TIMELESS: variants seen among roughly 807,000 people sequenced by gnomAD.
The protein encoded by TIMELESS is protein timeless homolog.
Under a neutral mutation model 164.3 loss-of-function variants are expected in TIMELESS, and 124 were observed. That is an observed-to-expected ratio of 0.75 (90% CI 0.65 to 0.88). The LOEUF is 0.88. TIMELESS is among the 40% of genes least tolerant of loss of function. The pLI is 0.00. For synonymous variants in TIMELESS, 564 were observed against 563.4 expected (o/e 1.00, Z -0.02); for missense variants, 1,422 against 1,491.4 (o/e 0.95, Z 0.77).
rs540876450 is a variant in TIMELESS, at chr12:56,421,614, T to A, written c.2725+113A>T. On this transcript the variant is annotated intron_variant, in intron 22 of 28. Coordinates refer to ENST00000553532, the MANE Select transcript of TIMELESS (RefSeq NM_003920.5). ...CCAAAAATGACACTTACAAATATAG[T>A]AAGTGAACAGAAGGGATGGGAGAAT... 8.2e-5 allele frequency: 124 copies of A among 1,517,716 alleles called. 1 individual carries two copies. The South Asian group carries it at 1.2e-3, about 15-fold the overall frequency. 94.0% of individuals were successfully genotyped at this position (1,517,716 alleles called of 1,614,324 possible). A position where few individuals can be genotyped will look rare whatever the true frequency, so the allele number is the denominator to read the frequency against.
intron 1 of TIMELESS, among the ~76,000 whole-genome samples, chr12:56,442,120 A>AAC: frequency 7.9e-6 from 1 of 126,498 alleles, no homozygotes; most frequent in African/African-American, 2.6e-5. Flanking sequence ...AGTTGCAGAA[A>AAC]TAAAATCCAC....
At chr12:56,420,048 A>ATATGTGTG (rs1473074484) in intron 26 of TIMELESS, among the ~76,000 whole-genome samples, 27 of 87,326 alleles carry the variant, frequency 3.1e-4, no homozygotes, top group African/African-American at 6.0e-4. Flanking sequence ...ATATATATAT[A>ATATGTGTG]TGTGTGTGTG....
Position 56,433,626 on chromosome 12 carries a change from G to C in TIMELESS, c.278C>G (p.Ala93Gly). Reference protein sequence around the residue: ...IRLMVNLTQPALLCFGNLPKE... With the variant: ...IRLMVNLTQPGLLCFGNLPKE... ...AGGCAGATTGCCAAAACAGAGCAAG[G>C]CTGGTTGTGTCAAGTTCACCATCAG... The change falls in exon 4 of 29, where the codon GCC becomes GGC. Residue 93 changes from alanine to glycine, a missense_variant. Coordinates refer to ENST00000553532, the MANE Select transcript of TIMELESS (RefSeq NM_003920.5). The C allele has an allele frequency of 6.2e-7, 1 of 1,614,164 alleles. No homozygotes were observed. The highest frequency in any genetic ancestry group is 8.5e-7 in the Non-Finnish European group (1 of 1,180,052).
chr12:56,429,946 T>C (rs1194143528), intron 10 of TIMELESS, among the ~76,000 whole-genome samples, 159 bp downstream of exon 10: 2 of 152,044 alleles, frequency 1.3e-5, no homozygotes, highest in Non-Finnish European at 2.9e-5. Flanking sequence ...ATTTTCACTA[T>C]CTCTCAGGGA....
chr12:56,434,694 G>GC (rs1882012693), intron 1 of TIMELESS, among the ~76,000 whole-genome samples: 1 of 152,182 alleles, frequency 6.6e-6, no homozygotes, highest in South Asian at 2.1e-4. Context: ...CCAAGATCAT[G>GC]CCGCCACACT....
Position 56,424,819 on chromosome 12 carries a change from T to G in TIMELESS, c.1811A>C (p.Gln604Pro). Residue 604 changes from glutamine (Q) to proline (P), a missense_variant, in exon 15 of 29, where the codon CAA becomes CCA. Coordinates refer to ENST00000553532, the MANE Select transcript of TIMELESS (RefSeq NM_003920.5). ...GGCCTGGCCAGCCAGGAGACAGTCT[T>G]GGATCCGTACCATAGCTTCTGCCCG... ...EQRAEAMVRI[Q>P]DCLLAGQAPQ... The G allele has an allele frequency of 1.9e-6, 3 of 1,614,184 alleles. No individual in the cohort carries two copies. Among genetic ancestry groups the G allele is most frequent in the South Asian group, 2.2e-5 (2 of 91,088 alleles).
intron 1 of TIMELESS, among the ~76,000 whole-genome samples, chr12:56,443,396 G>T (rs549593080): frequency 1.3e-5 from 2 of 152,162 alleles, no homozygotes; most frequent in African/African-American, 2.4e-5. Context: ...GGCTTACTAG[G>T]ATTGGGAAAT....
rs776047061 is a variant in TIMELESS, at chr12:56,430,089, CTTCACAGG to C, written c.1086+8_1086+15del. The C allele has an allele frequency of 3.1e-6, 5 of 1,599,176 alleles. No homozygotes were observed. The South Asian group carries it at 5.6e-5, about 18-fold the overall frequency. The stretch of plus-strand genomic sequence containing the variant: ...TTCCATTCCTGATTATCTCCATATC[CTTCACAGG>C]TTCTCACCTTTACTGATCCCATGAG... On this transcript the variant is annotated splice_region_variant and intron_variant, in intron 10 of 28. Coordinates refer to ENST00000553532, the MANE Select transcript of TIMELESS (RefSeq NM_003920.5).
At position 56,420,627 on chromosome 12, in the gene TIMELESS, T is replaced by C. The variant is rs766624658; in HGVS notation, c.3170A>G (p.Asn1057Ser). 6.2e-7 allele frequency: 1 copy of C among 1,614,228 alleles called. No homozygotes were observed. The highest frequency in any genetic ancestry group is 8.5e-7 in the Non-Finnish European group (1 of 1,180,044). Residue 1057 changes from asparagine (N) to serine (S), a missense_variant, in exon 26 of 29, where the codon AAC becomes AGC. Asn to Ser is a conservative substitution (Grantham distance 46). Coordinates refer to ENST00000553532, the MANE Select transcript of TIMELESS (RefSeq NM_003920.5). ...GCGCAACAGCTGCTGAAACTGTTCG[T>C]TTTCCATGGCTTCCTCATTTTCCTC... ...LTEENEEAME[N>S]EQFQQLLRKL...
intron 1 of TIMELESS, among the ~76,000 whole-genome samples, chr12:56,439,740 T>C (rs1378265987): frequency 1.3e-5 from 2 of 152,134 alleles, no homozygotes; most frequent in African/African-American, 4.8e-5. Flanking sequence ...AGTATATGAA[T>C]TATATCTCAA....
chr12:56,430,444 G>A (rs1178154190), intron 9 of TIMELESS, among the ~76,000 whole-genome samples, 163 bp from the exon 10 acceptor site: 2 of 152,004 alleles, frequency 1.3e-5, no homozygotes, highest in African/African-American at 4.8e-5. Context: ...TAGCACACTG[G>A]AGCCTTGAAC....
At chr12:56,449,063 C>T (rs751288514) in intron 1 of TIMELESS, among the ~76,000 whole-genome samples, 24 of 152,232 alleles carry the variant, frequency 1.6e-4, no homozygotes, top group Non-Finnish European at 2.4e-4. Context: ...AACCCCATCC[C>T]GCGGGAGACC....
chr12:56,446,724 T>C (rs1868355682), intron 1 of TIMELESS, among the ~76,000 whole-genome samples: 1 of 149,760 alleles, frequency 6.7e-6, no homozygotes, highest in South Asian at 2.1e-4. Context: ...TCCAGCTACT[T>C]GGGAGGCTGA....
intron 13 of TIMELESS, 145 bp from the exon 14 acceptor site, chr12:56,425,297 AACAGC>A: frequency 1.9e-6 from 2 of 1,044,182 alleles, no homozygotes; most frequent in Non-Finnish European, 2.7e-6. Flanking sequence ...AGCAATAGTG[AACAGC>A]ATATTTCCTT....
Position 56,418,166 on chromosome 12 carries a change from T to C in TIMELESS, c.3422A>G (p.His1141Arg). Reference protein sequence around the residue: ...AQALRALLLAHKKKAGLASPE... With the variant: ...AQALRALLLARKKKAGLASPE... Reference sequence around the variant, plus strand: ...GGATGCCAGGCCCGCTTTCTTCTTGTGGGCTAGCAAGAGGGCCCTCAGGGC... The same window carrying C: ...GGATGCCAGGCCCGCTTTCTTCTTGCGGGCTAGCAAGAGGGCCCTCAGGGC... The change falls in exon 27 of 29, where the codon CAC (histidine) becomes CGC (arginine). Residue 1141 changes from histidine to arginine, a missense_variant. His to Arg is a conservative substitution (Grantham distance 29). Transcript: ENST00000553532. The C allele has an allele frequency of 1.2e-6, 2 of 1,614,254 alleles. No individual in the cohort carries two copies. The highest frequency in any genetic ancestry group is 1.7e-6 in the Non-Finnish European group (2 of 1,180,048).
intron 11 of TIMELESS, 26 bp downstream of exon 11, chr12:56,428,857 G>C (rs774028): frequency 0.99 from 1,598,173 of 1,608,920 alleles, 794,334 homozygotes; most frequent in East Asian, 1. Flanking sequence ...CTAGCTCACT[G>C]TATCTCCAGT....
At chr12:56,422,280 C>T (rs182907620) in intron 19 of TIMELESS, 89 bp from the exon 20 acceptor site, 2 of 1,228,540 alleles carry the variant, frequency 1.6e-6, no homozygotes, top group African/African-American at 1.5e-5. Flanking sequence ...CTGAAAAGAA[C>T]AGGAAGGACA....
chr12:56,423,955 C>T lies in TIMELESS; in HGVS notation c.1869-61G>A, dbSNP rs1227272288. ...GAAATCTGGCTTTAAATTTATAATTCGAAGTAGAAGAAGGAATTTAGACTT... is the reference window on the plus strand; with the variant it reads ...GAAATCTGGCTTTAAATTTATAATTTGAAGTAGAAGAAGGAATTTAGACTT... On this transcript the variant is annotated intron_variant, in intron 15 of 28. Transcript: ENST00000553532. 12 of 1,428,108 alleles carry T rather than the reference C, an allele frequency of 8.4e-6. No individual in the cohort carries two copies. The South Asian group carries it at 9.4e-5, about 11-fold the overall frequency. The allele number at this position is 1,428,108 out of a possible 1,614,324, so 88.5% of individuals were successfully genotyped here. A position where few individuals can be genotyped will look rare whatever the true frequency, so the allele number is the denominator to read the frequency against.
At position 56,432,481 on chromosome 12, in the gene TIMELESS, GC is replaced by G. The variant is rs1881923714; in HGVS notation, c.574del (p.Ala192ArgfsTer28). The stretch of plus-strand genomic sequence containing the variant: ...GTCATCCAGGCCGCTGAGGTGAATC[GC>G]CCAGAGGAGCTGGTCATGGGCACTG... The part of the protein sequence containing the change: ...DASAHDQLLW[A>X]IHLSGLDDLL... On this transcript the variant is annotated frameshift_variant, in exon 7 of 29. Transcript: ENST00000553532. LOFTEE classifies it high-confidence loss of function. 2 of 1,614,156 alleles carry G rather than the reference GC, an allele frequency of 1.2e-6. No homozygotes were observed. The highest frequency in any genetic ancestry group is 4.5e-5 in the East Asian group (2 of 44,878).
Sources: allele counts gnomAD v4.1 joint callset (sites outside exome capture counted in the v4.1 genomes callset), GRCh38; gene constraint gnomAD v4.1.1; transcripts MANE v1.5; gene names NCBI Gene and HGNC (gene_info 2026-07-23, HGNC 2026-07-21).